The following SLC44A5 variants were observed in gnomAD, a reference collection of about 807,000 sequenced individuals.
SLC44A5 encodes the protein solute carrier family 44 member 5.
Under a neutral mutation model 101.8 loss-of-function variants are expected in SLC44A5, and 57 were observed. The observed-to-expected ratio is 0.56, with a 90% CI of 0.45 to 0.70. The LOEUF (loss-of-function observed/expected upper bound fraction) is 0.70, where lower values mean the gene tolerates loss of function less well. Ranked by LOEUF, SLC44A5 falls within the 30% of genes least tolerant of loss-of-function variation. The pLI, the probability that SLC44A5 is intolerant of heterozygous loss-of-function variation, is 0.00. For missense variants in SLC44A5, 737 were observed against 853.1 expected, an observed-to-expected ratio of 0.86 and a Z score of 1.70; for synonymous variants, 281 against 290.9, an observed-to-expected ratio of 0.97 and a Z score of 0.35.
chr1:75,559,235 G>A (rs898225873), intron 1 of SLC44A5, among the ~76,000 whole-genome samples: 7 of 151,954 alleles, frequency 4.6e-5, no homozygotes, highest in East Asian at 1.9e-4. Flanking sequence ...TCAGTCAAGC[G>A]TAATAGGAAA....
At chr1:75,364,376 A>G (rs1438826055) in intron 3 of SLC44A5, among the ~76,000 whole-genome samples, 1 of 152,182 alleles carries the variant, frequency 6.6e-6, no homozygotes, top group Non-Finnish European at 1.5e-5. Context: ...GGCCAGAGCA[A>G]GAGCAAGAGA....
At chr1:75,583,330 TCATTAAGTA>T (rs1673807804) in intron 1 of SLC44A5, among the ~76,000 whole-genome samples, 1 of 152,226 alleles carries the variant, frequency 6.6e-6, no homozygotes. Context: ...ATATTGGATC[TCATTAAGTA>T]CATTTGCAGA....
intron 3 of SLC44A5, among the ~76,000 whole-genome samples, chr1:75,388,295 A>G (rs1661537609): frequency 6.6e-6 from 1 of 151,928 alleles, no homozygotes; most frequent in Non-Finnish European, 1.5e-5. Flanking sequence ...GACCAGTTTT[A>G]TAAGAGACAC....
intron 4 of SLC44A5, among the ~76,000 whole-genome samples, chr1:75,308,089 A>G (rs945816460): frequency 6.6e-6 from 1 of 152,228 alleles, no homozygotes; most frequent in Non-Finnish European, 1.5e-5. Context: ...TTGTAGGATT[A>G]TTATTTTTAA....
intron 2 of SLC44A5, among the ~76,000 whole-genome samples, chr1:75,477,966 T>C (rs1012799273): frequency 1.3e-5 from 2 of 151,710 alleles, no homozygotes; most frequent in East Asian, 3.9e-4. Flanking sequence ...TCACCAAAGT[T>C]GAAATGAAGG....
chr1:75,586,414 A>G (rs895049361), intron 1 of SLC44A5, among the ~76,000 whole-genome samples: 4 of 151,298 alleles, frequency 2.6e-5, no homozygotes, highest in African/African-American at 9.7e-5. Flanking sequence ...TGTGTGTCCT[A>G]CTGATTCTGT....
At chr1:75,635,927 T>C in the SLC44A5 span, among the ~76,000 whole-genome samples, 2 of 152,078 alleles carry the variant, frequency 1.3e-5, no homozygotes, top group Non-Finnish European at 2.9e-5. Context: ...TTTTAACTTG[T>C]TTAAATTTAT....
At chr1:75,606,731 A>C (rs1244551988) in intron 1 of SLC44A5, among the ~76,000 whole-genome samples, 2 of 152,174 alleles carry the variant, frequency 1.3e-5, no homozygotes, top group African/African-American at 2.4e-5. Context: ...CTTTCATATT[A>C]ATAAATACAA....
At chr1:75,659,532 A>C in the SLC44A5 span, among the ~76,000 whole-genome samples, 1 of 139,300 alleles carries the variant, frequency 7.2e-6, no homozygotes, top group Non-Finnish European at 1.6e-5. Context: ...CAGGCAGGGA[A>C]AACTAGGCCA....
chr1:75,700,528 G>C, the SLC44A5 span, among the ~76,000 whole-genome samples: 1 of 152,164 alleles, frequency 6.6e-6, no homozygotes, highest in Non-Finnish European at 1.5e-5. Flanking sequence ...GAAATTTATA[G>C]CACTAAATGC....
intron 2 of SLC44A5, among the ~76,000 whole-genome samples, chr1:75,525,087 T>G (rs1426073757): frequency 6.6e-6 from 1 of 152,136 alleles, no homozygotes; most frequent in African/African-American, 2.4e-5. Flanking sequence ...ATCACACTTT[T>G]TATACCTCCC....
intron 2 of SLC44A5, among the ~76,000 whole-genome samples, chr1:75,515,245 C>T (rs1317260893): frequency 6.6e-6 from 1 of 152,142 alleles, no homozygotes; most frequent in Non-Finnish European, 1.5e-5. Flanking sequence ...AGCTAGCTAA[C>T]ATATTCATCA....
intron 2 of SLC44A5, among the ~76,000 whole-genome samples, chr1:75,410,126 T>C (rs1402560726): frequency 1.3e-5 from 2 of 152,144 alleles, no homozygotes; most frequent in Non-Finnish European, 2.9e-5. Context: ...GAGTATATGT[T>C]ATATATGTTA....
intron 2 of SLC44A5, among the ~76,000 whole-genome samples, chr1:75,500,757 A>G (rs1197661365): frequency 6.6e-6 from 1 of 152,210 alleles, no homozygotes; most frequent in African/African-American, 2.4e-5. Flanking sequence ...TACTTTGGTG[A>G]AAGAACCTTG....
At chr1:75,225,873 C>A (rs1461364285) in intron 13 of SLC44A5, among the ~76,000 whole-genome samples, 1 of 152,160 alleles carries the variant, frequency 6.6e-6, no homozygotes. Context: ...ATTCTGATCT[C>A]CTCAATGGCG....
intron 5 of SLC44A5, among the ~76,000 whole-genome samples, chr1:75,297,666 A>G (rs1055072525): frequency 6.6e-6 from 1 of 152,240 alleles, no homozygotes; most frequent in Non-Finnish European, 1.5e-5. Context: ...AGGAAAGAAT[A>G]ATTTGCATAA....
intron 2 of SLC44A5, among the ~76,000 whole-genome samples, chr1:75,510,977 CTA>C (rs1224390287): frequency 1.3e-5 from 2 of 152,078 alleles, no homozygotes; most frequent in African/African-American, 2.4e-5. Flanking sequence ...CCAGTCTCTA[CTA>C]AAAGTACAGA....
intron 2 of SLC44A5, among the ~76,000 whole-genome samples, chr1:75,512,390 A>G (rs978480050): frequency 6.6e-6 from 1 of 152,214 alleles, no homozygotes; most frequent in Non-Finnish European, 1.5e-5. Context: ...TTTTAACTAG[A>G]ATGACTGACT....
chr1:75,472,955 A>T (rs528628145), intron 2 of SLC44A5, among the ~76,000 whole-genome samples: 1 of 152,310 alleles, frequency 6.6e-6, no homozygotes, highest in African/African-American at 2.4e-5. Flanking sequence ...CTGTGTGATG[A>T]ATTGTCATCT....
Sources: gnomAD v4.1 joint callset for allele counts (sites outside exome capture counted in the v4.1 genomes callset) on GRCh38, gnomAD v4.1.1 for gene constraint, MANE v1.5 for transcripts, NCBI Gene and HGNC (gene_info 2026-07-23, HGNC 2026-07-21) for gene names.